The following ERBB4 variants were observed in gnomAD, a reference collection of about 807,000 sequenced individuals.
The protein encoded by ERBB4 is erb-b2 receptor tyrosine kinase 4, also known as receptor tyrosine-protein kinase erbB-4.
In ERBB4, 42 loss-of-function variants were observed where a neutral mutation model predicts 158.0. That is an observed-to-expected ratio of 0.27 (90% CI 0.21 to 0.34). The LOEUF (loss-of-function observed/expected upper bound fraction) is 0.34, where lower values mean the gene tolerates loss of function less well. Ranked by LOEUF, ERBB4 falls within the 10% of genes least tolerant of loss-of-function variation. The probability of loss-of-function intolerance (pLI) is 1.00; values close to 1 mark genes in which losing one functional copy is unlikely to be tolerated. For synonymous variants in ERBB4, 583 were observed against 558.7 expected, an observed-to-expected ratio of 1.04 and a Z score of -0.61; for missense variants, 1,333 against 1,624.1, an observed-to-expected ratio of 0.82 and a Z score of 3.08.
chr2:211,842,884 T>C (rs1266254302), intron 3 of ERBB4, among the ~76,000 whole-genome samples: 5 of 152,164 alleles, frequency 3.3e-5, no homozygotes. Context: ...TGTAACTATT[T>C]GTGGACTAAA....
chr2:212,192,049 TTATATGTTA>T (rs1559707864), intron 1 of ERBB4, among the ~76,000 whole-genome samples: 18 of 43,930 alleles, frequency 4.1e-4, no homozygotes, highest in Non-Finnish European at 1.0e-3. Flanking sequence ...TATATATATG[TTATATGTTA>T]TATATGTTAT....
At chr2:211,771,359 G>A (rs78618239) in intron 4 of ERBB4, among the ~76,000 whole-genome samples, 2,337 of 152,262 alleles carry the variant, frequency 0.015, 49 homozygotes, top group African/African-American at 0.053. Flanking sequence ...TTCATCAGTG[G>A]AAACTGAATC....
chr2:211,710,191 A>T (rs760088056), intron 9 of ERBB4, among the ~76,000 whole-genome samples: 7 of 152,108 alleles, frequency 4.6e-5, no homozygotes, highest in Non-Finnish European at 5.9e-5. Flanking sequence ...AAGGATAAAA[A>T]CCACTTGTCT....
chr2:212,440,531 A>G (rs1405260430), intron 1 of ERBB4, among the ~76,000 whole-genome samples: 1 of 152,166 alleles, frequency 6.6e-6, no homozygotes, highest in Non-Finnish European at 1.5e-5. Flanking sequence ...ATCCCTCTAG[A>G]GAACCCTGAC....
At chr2:212,505,281 G>C (rs963314369) in intron 1 of ERBB4, among the ~76,000 whole-genome samples, 4 of 152,112 alleles carry the variant, frequency 2.6e-5, no homozygotes, top group Admixed American at 2.0e-4. Flanking sequence ...ATTTTTAGTA[G>C]AGACAGGGTT....
At chr2:211,832,043 T>C (rs2077232597) in intron 3 of ERBB4, among the ~76,000 whole-genome samples, 1 of 152,236 alleles carries the variant, frequency 6.6e-6, no homozygotes, top group South Asian at 2.1e-4. Context: ...ACACTCATTT[T>C]TGTTCTTCCC....
intron 1 of ERBB4, among the ~76,000 whole-genome samples, chr2:212,305,386 G>C (rs1255750720): frequency 6.6e-6 from 1 of 151,260 alleles, no homozygotes; most frequent in Non-Finnish European, 1.5e-5. Flanking sequence ...CACTAATAGT[G>C]ATTTTATGAG....
intron 3 of ERBB4, among the ~76,000 whole-genome samples, chr2:211,898,275 A>G (rs578161486): frequency 6.6e-6 from 1 of 152,302 alleles, no homozygotes; most frequent in South Asian, 2.1e-4. Flanking sequence ...TATCTAAGAT[A>G]GTTTAATCAT....
In ERBB4 at chr2:211,665,305, G is replaced by C. The variant is rs185758884; in HGVS notation, c.1871+18C>G. The C allele has an allele frequency of 1.2e-5, 19 of 1,613,708 alleles. No homozygotes were observed. The African/African-American group carries it at 1.9e-4, about 16-fold the overall frequency. ...ATAACACATACCAGGTGAGCCCTTGGCCAGCAAGAATGCTTACCCTTGGGT... is the reference window on the plus strand; with the variant it reads ...ATAACACATACCAGGTGAGCCCTTGCCCAGCAAGAATGCTTACCCTTGGGT... On this transcript the variant is annotated intron_variant, in intron 15 of 27. Transcript: ENST00000342788.
At chr2:212,192,044 ATATG>A (rs369873034) in intron 1 of ERBB4, among the ~76,000 whole-genome samples, 23 of 56,288 alleles carry the variant, frequency 4.1e-4, no homozygotes, top group South Asian at 1.5e-3. Context: ...TATGTTATAT[ATATG>A]TTATATGTTA....
chr2:211,408,077 G>C (rs1209073740), intron 25 of ERBB4, among the ~76,000 whole-genome samples: 2 of 151,318 alleles, frequency 1.3e-5, no homozygotes, highest in African/African-American at 4.8e-5. Flanking sequence ...GGCAGACAAA[G>C]ATGGATTTGT....
intron 3 of ERBB4, among the ~76,000 whole-genome samples, chr2:211,819,632 C>T (rs2076950903): frequency 6.6e-6 from 1 of 151,858 alleles, no homozygotes; most frequent in Non-Finnish European, 1.5e-5. Context: ...GGCAGGGGCA[C>T]TTTCACAAAG....
intron 9 of ERBB4, 138 bp downstream of exon 9, chr2:211,711,912 C>T: frequency 1.4e-6 from 1 of 722,666 alleles, no homozygotes; most frequent in Non-Finnish European, 2.4e-6. Flanking sequence ...AAATCAGGCC[C>T]CTGCTTTTGT....
At chr2:212,323,903 C>T (rs1320733671) in intron 1 of ERBB4, among the ~76,000 whole-genome samples, 1 of 150,534 alleles carries the variant, frequency 6.6e-6, no homozygotes, top group Non-Finnish European at 1.5e-5. Flanking sequence ...AGAACTACAT[C>T]ATGGTAGAAG....
chr2:211,387,185 G>C (rs142930671), intron 26 of ERBB4, 35 bp from the exon 27 acceptor site: 1 of 1,497,402 alleles, frequency 6.7e-7, no homozygotes, highest in African/African-American at 1.4e-5. Flanking sequence ...GAGAGAAGGC[G>C]TTGTTAGAAA....
chr2:211,566,061 G>A (rs947534184), intron 19 of ERBB4, among the ~76,000 whole-genome samples: 1 of 152,184 alleles, frequency 6.6e-6, no homozygotes, highest in Non-Finnish European at 1.5e-5. Context: ...GAAGTTCCGG[G>A]TGCACTTTGA....
At chr2:211,711,147 A>G (rs1015668023) in intron 9 of ERBB4, among the ~76,000 whole-genome samples, 4 of 152,166 alleles carry the variant, frequency 2.6e-5, no homozygotes, top group Non-Finnish European at 5.9e-5. Context: ...ATAAACAGAT[A>G]TTTAGCAATA....
At chr2:212,221,268 T>A (rs944797772) in intron 1 of ERBB4, among the ~76,000 whole-genome samples, 4 of 151,568 alleles carry the variant, frequency 2.6e-5, no homozygotes, top group Non-Finnish European at 5.9e-5. Flanking sequence ...CTCAAGAGAC[T>A]CATGTAATTA....
intron 3 of ERBB4, among the ~76,000 whole-genome samples, chr2:211,843,028 G>C (rs2077509499): frequency 6.6e-6 from 1 of 152,054 alleles, no homozygotes. Context: ...TTATAATAGA[G>C]ACTCATACAG....
Sources: gnomAD v4.1 joint callset for allele counts (sites outside exome capture counted in the v4.1 genomes callset) on GRCh38, gnomAD v4.1.1 for gene constraint, MANE v1.5 for transcripts, NCBI Gene and HGNC (gene_info 2026-07-23, HGNC 2026-07-21) for gene names.